HPSE2: variants seen among roughly 807,000 people sequenced by gnomAD.
HPSE2 encodes the protein inactive heparanase-2.
A neutral mutation model predicts 60.5 loss-of-function variants in HPSE2; 38 were observed. The observed-to-expected ratio is 0.63, with a 90% CI of 0.48 to 0.82. HPSE2 has a LOEUF of 0.82. HPSE2 is among the 40% of genes least tolerant of loss of function. HPSE2 has a pLI of 0.00. For missense variants in HPSE2, 713 were observed against 740.4 expected, an observed-to-expected ratio of 0.96 and a Z score of 0.43; for synonymous variants, 295 against 293.2, an observed-to-expected ratio of 1.01 and a Z score of -0.06.
At chr10:98,758,791 A>T (rs1198830933) in intron 3 of HPSE2, among the ~76,000 whole-genome samples, 1 of 152,186 alleles carries the variant, frequency 6.6e-6, no homozygotes, top group African/African-American at 2.4e-5. Flanking sequence ...TTCTCAAAGA[A>T]TTCAAAACAG....
At chr10:99,115,009 G>A (rs537662931) in intron 3 of HPSE2, among the ~76,000 whole-genome samples, 121 of 152,086 alleles carry the variant, frequency 8.0e-4, no homozygotes, top group African/African-American at 2.8e-3. Context: ...ATTGAGACAG[G>A]GTTGCTCTGT....
rs181430698 is a variant in HPSE2 at position 99,178,846 on chromosome 10, T to C, written c.449-34447A>G. Among the ~76,000 whole-genome samples the C allele has an allele frequency of 5.4e-4, 82 of 152,284 alleles. No individual in the cohort carries two copies. In the East Asian group the frequency reaches 0.014, roughly 26 times the overall value. On this transcript the variant is annotated intron_variant, in intron 2 of 11. Transcript: ENST00000370552. Reference sequence around the variant, plus strand: ...GAAAATTTCAGGCCAATATCCCTGATGAACATCGATGCGAAAATCCTCAAT... The same window carrying C: ...GAAAATTTCAGGCCAATATCCCTGACGAACATCGATGCGAAAATCCTCAAT...
intron 5 of HPSE2, among the ~76,000 whole-genome samples, chr10:98,702,384 C>G (rs1948434611): frequency 6.6e-6 from 1 of 152,132 alleles, no homozygotes; most frequent in South Asian, 2.1e-4. Flanking sequence ...ACCCCACTGT[C>G]AATATTAGAC....
chr10:98,737,470 A>G (rs1373781971), intron 4 of HPSE2, among the ~76,000 whole-genome samples: 1 of 96,162 alleles, frequency 1.0e-5, no homozygotes. Flanking sequence ...AGCAAGCACT[A>G]TCCATCACAG....
At chr10:98,668,133 T>G (rs988802088) in intron 6 of HPSE2, among the ~76,000 whole-genome samples, 28 of 152,022 alleles carry the variant, frequency 1.8e-4, no homozygotes, top group African/African-American at 5.8e-4. Context: ...ACATTCTAGC[T>G]GAAAGCCAAA....
At chr10:98,782,962 T>C (rs1473114209) in intron 3 of HPSE2, among the ~76,000 whole-genome samples, 1 of 124,138 alleles carries the variant, frequency 8.1e-6, no homozygotes, top group Non-Finnish European at 1.7e-5. Flanking sequence ...TATTATACTC[T>C]AAGTTTTAGG....
At chr10:98,618,306 T>C (rs542580036) in intron 8 of HPSE2, among the ~76,000 whole-genome samples, 5 of 152,314 alleles carry the variant, frequency 3.3e-5, no homozygotes, top group South Asian at 4.1e-4. Context: ...CTGATGCTCA[T>C]GAAAAGGCAG....
intron 3 of HPSE2, among the ~76,000 whole-genome samples, chr10:99,108,684 C>T (rs1409872395): frequency 1.3e-5 from 2 of 152,028 alleles, no homozygotes; most frequent in Non-Finnish European, 2.9e-5. Context: ...GAAGTCCCTC[C>T]TAGGTTTATA....
Position 98,852,784 on chromosome 10 carries a change from T to C in HPSE2, c.611-108728A>G, listed in dbSNP as rs771666558. ...ACTAGTTTGTTTTTTTCTACACACCTTGTAGCCCTATATTTTTTCTAAAAA... is the reference window on the plus strand; with the variant it reads ...ACTAGTTTGTTTTTTTCTACACACCCTGTAGCCCTATATTTTTTCTAAAAA... On this transcript the variant is annotated intron_variant, in intron 3 of 11. Transcript: ENST00000370552. Among the ~76,000 whole-genome samples the C allele has an allele frequency of 1.3e-5, 2 of 152,194 alleles. 1 individual carries two copies. Among genetic ancestry groups the C allele is most frequent in the South Asian group, 4.1e-4 (2 of 4,830 alleles).
chr10:98,482,281 CTA>C (rs1483764678), intron 11 of HPSE2, among the ~76,000 whole-genome samples: 1 of 152,148 alleles, frequency 6.6e-6, no homozygotes, highest in East Asian at 1.9e-4. Context: ...TGTTTGGTTG[CTA>C]CATGACCATG....
At chr10:98,680,016 A>G (rs1221493808) in intron 6 of HPSE2, among the ~76,000 whole-genome samples, 1 of 152,140 alleles carries the variant, frequency 6.6e-6, no homozygotes, top group Non-Finnish European at 1.5e-5. Context: ...ATTTTTTGAA[A>G]ACTGATTTTT....
chr10:98,930,211 C>A (rs1251016845), intron 3 of HPSE2, among the ~76,000 whole-genome samples: 1 of 143,856 alleles, frequency 7.0e-6, no homozygotes, highest in African/African-American at 2.8e-5. Flanking sequence ...GTTCAGTTCC[C>A]ACTTATAAGT....
intron 3 of HPSE2, among the ~76,000 whole-genome samples, chr10:98,780,574 C>T (rs1040496057): frequency 4.6e-5 from 7 of 151,690 alleles, no homozygotes; most frequent in Non-Finnish European, 1.0e-4. Context: ...GGAAGATGGC[C>T]GGGGGACTGA....
intron 3 of HPSE2, among the ~76,000 whole-genome samples, chr10:99,100,115 G>C (rs1000255784): frequency 2.6e-5 from 4 of 152,208 alleles, no homozygotes; most frequent in Non-Finnish European, 4.4e-5. Flanking sequence ...GCAGCTCCTT[G>C]TCAGCAATGG....
intron 9 of HPSE2, among the ~76,000 whole-genome samples, chr10:98,595,104 G>C (rs1366315400): frequency 2.0e-5 from 3 of 151,126 alleles, no homozygotes; most frequent in Non-Finnish European, 4.4e-5. Context: ...TCAGGATATA[G>C]GTCTTTTACC....
intron 3 of HPSE2, among the ~76,000 whole-genome samples, chr10:98,848,550 T>C (rs772266192): frequency 7.2e-5 from 11 of 152,204 alleles, no homozygotes; most frequent in Non-Finnish European, 1.6e-4. Context: ...GTTTATATTC[T>C]GGTAATTTTT....
chr10:99,027,127 G>GAAAT (rs1274406040), intron 3 of HPSE2, among the ~76,000 whole-genome samples: 2 of 151,294 alleles, frequency 1.3e-5, no homozygotes, highest in Non-Finnish European at 3.0e-5. Flanking sequence ...GATCAAAGCA[G>GAAAT]AAATAAATGA....
intron 2 of HPSE2, among the ~76,000 whole-genome samples, chr10:99,167,348 C>T (rs1847124730): frequency 6.6e-6 from 1 of 152,094 alleles, no homozygotes; most frequent in Admixed American, 6.6e-5. Context: ...TTTGCTAATT[C>T]CAAGGTCACA....
intron 3 of HPSE2, among the ~76,000 whole-genome samples, chr10:99,023,503 T>C (rs898226573): frequency 1.1e-4 from 17 of 152,022 alleles, no homozygotes; most frequent in African/African-American, 3.4e-4. Context: ...TGCATGAACA[T>C]AGGAGTAGCC....
Sources: gnomAD v4.1 joint callset for allele counts (sites outside exome capture counted in the v4.1 genomes callset) on GRCh38, gnomAD v4.1.1 for gene constraint, MANE v1.5 for transcripts, NCBI Gene and HGNC (gene_info 2026-07-23, HGNC 2026-07-21) for gene names.